The following MTRR variants were observed in gnomAD, a reference collection of about 807,000 sequenced individuals.
The protein encoded by MTRR is methionine synthase reductase.
MTRR carries 63 observed loss-of-function variants against 79.2 expected under a neutral mutation model. The observed-to-expected ratio is 0.80, with a 90% confidence interval of 0.65 to 0.98. The LOEUF (loss-of-function observed/expected upper bound fraction) is 0.98. MTRR is among the 50% of genes least tolerant of loss of function. MTRR has a pLI of 0.00. For synonymous variants in MTRR, 355 were observed against 313.3 expected (o/e 1.13, Z -1.41); for missense variants, 895 against 839.6 (o/e 1.07, Z -0.82).
intron 11 of MTRR, among the ~76,000 whole-genome samples, chr5:7,894,768 T>C (rs1375679475): frequency 6.6e-6 from 1 of 152,238 alleles, no homozygotes; most frequent in Non-Finnish European, 1.5e-5. Context: ...TGATAATGTG[T>C]ATGTTTATTT....
chr5:7,862,813 T>A, intron 2 of MTRR: 9 of 1,603,470 alleles, frequency 5.6e-6, no homozygotes, highest in Non-Finnish European at 7.7e-6. Flanking sequence ...AAACTCCTTA[T>A]ACTACTTACC....
At chr5:7,889,346 A>T in intron 9 of MTRR, 71 bp downstream of exon 9, 1 of 1,571,812 alleles carries the variant, frequency 6.4e-7, no homozygotes, top group Admixed American at 1.7e-5. Context: ...TTTCTGTAGT[A>T]AAGAAAATTT....
intron 2 of MTRR, chr5:7,862,874 C>A: frequency 1.2e-6 from 2 of 1,613,962 alleles, no homozygotes; most frequent in Non-Finnish European, 1.7e-6. Context: ...TATAATCTTG[C>A]TCCTAAAAGG....
chr5:7,870,553 A>G (rs1579592913), intron 1 of MTRR: 1 of 539,502 alleles, frequency 1.9e-6, no homozygotes, highest in Non-Finnish European at 3.3e-6. Flanking sequence ...CTGATTTCTG[A>G]GCCATGGAAT....
chr5:7,878,038 G>A lies in MTRR; in HGVS notation c.496G>A (p.Ala166Thr), dbSNP rs114253881. 9.9e-6 allele frequency: 16 copies of A among 1,613,790 alleles called. No homozygotes were observed. The highest frequency in any genetic ancestry group is 2.2e-5 in the East Asian group (1 of 44,818). The change falls in exon 5 of 15, where the codon GCA (alanine) becomes ACA (threonine). Residue 166 changes from alanine to threonine, a missense_variant. Ala to Thr is a moderately conservative substitution (Grantham distance 58). Transcript: ENST00000440940. ...SSRGQEEISGALPVASPASSR... is the reference protein window; with the variant it reads ...SSRGQEEISGTLPVASPASSR... The stretch of plus-strand genomic sequence containing the variant: ...CAGAGGACAAGAGGAGATAAGTGGC[G>A]CACTCCCGGTGGCATCACCTGCATC...
At chr5:7,867,120 CA>C, upstream of MTRR, 1 of 1,614,168 alleles carries the variant, frequency 6.2e-7, no homozygotes, top group Non-Finnish European at 8.5e-7. Context: ...TGCCTCACGA[CA>C]TATTTGCCCA....
chr5:7,895,627 T>G, intron 11 of MTRR, 107 bp from the exon 12 acceptor site: 1 of 1,430,450 alleles, frequency 7.0e-7, no homozygotes. Context: ...GTGATGTTTC[T>G]TTGATGGGAA....
At chr5:7,852,922 T>A (rs753990492) in intron 1 of MTRR, among the ~76,000 whole-genome samples, 2 of 152,196 alleles carry the variant, frequency 1.3e-5, no homozygotes, top group Non-Finnish European at 2.9e-5. Flanking sequence ...CAGCTAAAAC[T>A]GAGACCGAGA....
At chr5:7,870,982 G>C in intron 2 of MTRR, 59 bp downstream of exon 2, 1 of 1,606,428 alleles carries the variant, frequency 6.2e-7, no homozygotes, top group Non-Finnish European at 8.5e-7. Flanking sequence ...TGGTTGGGAA[G>C]TGATATTTAT....
chr5:7,853,928 A>G (rs1396488699), intron 1 of MTRR, among the ~76,000 whole-genome samples: 1 of 152,144 alleles, frequency 6.6e-6, no homozygotes, highest in East Asian at 1.9e-4. Flanking sequence ...GGAATGGTCC[A>G]CCAGAGATGA....
chr5:7,889,285 C>T lies in MTRR; in HGVS notation c.1327+10C>T, dbSNP rs757398819. 1.4e-5 allele frequency: 22 copies of T among 1,612,152 alleles called. No individual in the cohort carries two copies. The highest frequency in any genetic ancestry group is 1.2e-4 in the South Asian group (11 of 90,986). Reference sequence around the variant, plus strand: ...CTCAGTCTCCTGCTCGGTGAGTAGTCGCTTTCACAAGCACCTTGGTGGCTG... The same window carrying T: ...CTCAGTCTCCTGCTCGGTGAGTAGTTGCTTTCACAAGCACCTTGGTGGCTG... On this transcript the variant is annotated intron_variant, in intron 9 of 14. Coordinates refer to ENST00000440940, the MANE Select transcript of MTRR (RefSeq NM_002454.3).
upstream of MTRR, chr5:7,866,034 T>A: frequency 7.5e-7 from 1 of 1,340,038 alleles, no homozygotes; most frequent in South Asian, 1.2e-5. Context: ...GAGGTATGTA[T>A]GAGAGAACAT....
In MTRR at chr5:7,891,406, G is replaced by A. The variant is rs370978510; in HGVS notation, c.1362G>A (p.Ser454=). The change falls in exon 10 of 15, where the codon TCG becomes TCA. Residue 454 remains serine (S), a synonymous_variant. Transcript: ENST00000440940. ...CTAAACTTCAACCCAGACCATATTC[G>A]TGTGCAAGGTACTACTATTTATTCA... The part of the protein sequence containing the change: ...HLPKLQPRPY[S]CASSSLFHPG... 23 of 1,605,234 alleles carry A rather than the reference G, an allele frequency of 1.4e-5. No homozygotes were observed. Among genetic ancestry groups the A allele is most frequent in the African/African-American group, 6.8e-5 (5 of 73,248 alleles).
intron 2 of MTRR, among the ~76,000 whole-genome samples, chr5:7,871,540 T>C (rs1318076659): frequency 6.6e-6 from 1 of 152,222 alleles, no homozygotes; most frequent in South Asian, 2.1e-4. Context: ...GCGATAACAG[T>C]TGGCAGGGGC....
intron 11 of MTRR, chr5:7,893,781 T>C (rs970066248): frequency 6.6e-6 from 1 of 152,208 alleles, no homozygotes; most frequent in Admixed American, 6.5e-5. Flanking sequence ...TTAGGACTTC[T>C]TGGGATATAC....
intron 8 of MTRR, among the ~76,000 whole-genome samples, chr5:7,886,956 T>C (rs966954162): frequency 6.6e-6 from 1 of 152,212 alleles, no homozygotes; most frequent in Admixed American, 6.5e-5. Flanking sequence ...TTTCTTAGTC[T>C]AAATAGGGCT....
upstream of MTRR, chr5:7,868,970 G>A (rs1045790556): frequency 1.0e-5 from 8 of 801,572 alleles, no homozygotes; most frequent in Non-Finnish European, 1.7e-5. Flanking sequence ...ACCCCGCGTT[G>A]ACACCTACCG....
rs143750668 is a variant in MTRR at position 7,881,587 on chromosome 5, G to A, written c.781-1568G>A. ...AGTCAAGATTTTTAAGGGAATCTGA[G>A]TATTCAAGATTTTTTTTCCCAGTTA... On this transcript the variant is annotated intron_variant, in intron 5 of 14. Coordinates refer to ENST00000440940, the MANE Select transcript of MTRR (RefSeq NM_002454.3). 5.0e-3 allele frequency among the ~76,000 whole-genome samples: 767 copies of A among 152,250 alleles called. 6 individuals are homozygous for A. Among genetic ancestry groups the A allele is most frequent in the African/African-American group, 0.017 (718 of 41,544 alleles).
chr5:7,871,092 T>G (rs1747907513), intron 2 of MTRR, among the ~76,000 whole-genome samples, 169 bp downstream of exon 2: 1 of 152,262 alleles, frequency 6.6e-6, no homozygotes, highest in African/African-American at 2.4e-5. Flanking sequence ...TTTTTTAATA[T>G]AGAAGTGTGT....
Sources: gnomAD v4.1 joint callset for allele counts (sites outside exome capture counted in the v4.1 genomes callset) on GRCh38, gnomAD v4.1.1 for gene constraint, MANE v1.5 for transcripts, NCBI Gene and HGNC (gene_info 2026-07-23, HGNC 2026-07-21) for gene names.